The following TRMT1L variants were observed in gnomAD, a reference collection of about 807,000 sequenced individuals.
TRMT1L encodes the protein tRNA methyltransferase 1L.
Under a neutral mutation model 81.6 loss-of-function variants are expected in TRMT1L, and 28 were observed. That is an observed-to-expected ratio of 0.34 (90% CI 0.25 to 0.47). The LOEUF (loss-of-function observed/expected upper bound fraction) is 0.47. TRMT1L is among the 20% of genes least tolerant of loss of function. The probability of loss-of-function intolerance (pLI) is 1.00; values close to 1 mark genes in which losing one functional copy is unlikely to be tolerated. For synonymous variants in TRMT1L, 301 were observed against 303.2 expected, an observed-to-expected ratio of 0.99 and a Z score of 0.07; for missense variants, 739 against 877.1, an observed-to-expected ratio of 0.84 and a Z score of 1.99.
intron 6 of TRMT1L, 101 bp downstream of exon 6, chr1:185,143,805 A>T: frequency 1.0e-6 from 1 of 996,922 alleles, no homozygotes; most frequent in Non-Finnish European, 1.4e-6. Context: ...TTTATTCTGC[A>T]CCTAGTTCTA....
Position 185,143,450 on chromosome 1 carries a change from A to G in TRMT1L, c.780-14T>C. ...AATATTAGCTGCCTAGAAGGAAATC[A>G]TAATCTGAAATAACTTTACCATGGC... On this transcript the variant is annotated splice_polypyrimidine_tract_variant and intron_variant, in intron 6 of 14. Coordinates refer to ENST00000367506, the MANE Select transcript of TRMT1L (RefSeq NM_030934.5). The G allele has an allele frequency of 6.3e-7, 1 of 1,594,524 alleles. No individual in the cohort carries two copies. The highest frequency in any genetic ancestry group is 2.3e-5 in the East Asian group (1 of 44,172).
chr1:185,129,990 C>T (rs1652730066), intron 10 of TRMT1L, among the ~76,000 whole-genome samples: 1 of 152,186 alleles, frequency 6.6e-6, no homozygotes, highest in African/African-American at 2.4e-5. Flanking sequence ...GTCAGCTACA[C>T]CCACTTACCA....
At chr1:185,128,629 T>G (rs1240011103) in intron 11 of TRMT1L, 40 bp downstream of exon 11, 1 of 1,553,914 alleles carries the variant, frequency 6.4e-7, no homozygotes, top group African/African-American at 1.4e-5. Context: ...AATCAATCAA[T>G]ACATCAAATT....
At chr1:185,146,863 T>C (rs149921949) in intron 4 of TRMT1L, among the ~76,000 whole-genome samples, 12 of 152,188 alleles carry the variant, frequency 7.9e-5, no homozygotes, top group African/African-American at 2.6e-4. Flanking sequence ...TCCTATTCCA[T>C]GACCGAAATT....
chr1:185,132,053 A>G (rs1043689219), intron 10 of TRMT1L, among the ~76,000 whole-genome samples: 3 of 152,106 alleles, frequency 2.0e-5, no homozygotes, highest in South Asian at 4.1e-4. Context: ...AGGCAGGAGA[A>G]TTGCTTGAAC....
At chr1:185,138,870 T>C (rs1652965208) in intron 9 of TRMT1L, among the ~76,000 whole-genome samples, 3 of 152,184 alleles carry the variant, frequency 2.0e-5, no homozygotes, top group Admixed American at 1.3e-4. Context: ...CACTGCAGCA[T>C]GTGGCTCCTG....
Position 185,150,486 on chromosome 1 carries a change from C to G in TRMT1L, c.353G>C (p.Arg118Thr), listed in dbSNP as rs1653313333. The part of the protein sequence containing the change: ...LNSDNLDAGN[R>T]QACPLCPKEK... ...CTTAGGGCACAATGGACAAGCCTGT[C>G]TGTTGCCTTAAAAAGAAAAAAGAAT... The change falls in exon 3 of 15, where the codon AGA becomes ACA. Residue 118 changes from arginine to threonine, a missense_variant. Coordinates refer to ENST00000367506, the MANE Select transcript of TRMT1L (RefSeq NM_030934.5). The G allele has an allele frequency of 6.2e-7, 1 of 1,610,258 alleles. No individual in the cohort carries two copies. The highest frequency in any genetic ancestry group is 8.5e-7 in the Non-Finnish European group (1 of 1,177,286).
Position 185,128,968 on chromosome 1 carries a change from T to C in TRMT1L, c.1514-221A>G, listed in dbSNP as rs573357348. Among the ~76,000 whole-genome samples the C allele has an allele frequency of 3.9e-5, 6 of 152,258 alleles. No individual in the cohort carries two copies. In the East Asian group the frequency reaches 9.6e-4, roughly 24 times the overall value. ...TGCACACACACACATATATATATTT[T>C]TTTAATTTAAGTCCTTACAACTCTC... On this transcript the variant is annotated intron_variant, in intron 10 of 14. Transcript: ENST00000367506.
In TRMT1L at chr1:185,118,101, T is replaced by A. The variant is rs1652405572; in HGVS notation, c.*1918A>T. On this transcript the variant is annotated 3_prime_UTR_variant, in exon 15 of 15. Coordinates refer to ENST00000367506, the MANE Select transcript of TRMT1L (RefSeq NM_030934.5). Reference sequence around the variant, plus strand: ...ACACACTGGTTTCCTTAACTCGTTCTTTTGTTTATCAAGTTTTAATGAAAG... The same window carrying A: ...ACACACTGGTTTCCTTAACTCGTTCATTTGTTTATCAAGTTTTAATGAAAG... The A allele has an allele frequency of 6.6e-6, 1 of 152,228 alleles. No homozygotes were observed. The highest frequency in any genetic ancestry group is 1.5e-5 in the Non-Finnish European group (1 of 68,040). The allele number at this position is 152,228 out of a possible 1,614,324, so 9.4% of individuals were successfully genotyped here.
At chr1:185,149,793 G>C (rs898515014) in intron 3 of TRMT1L, among the ~76,000 whole-genome samples, 1 of 151,978 alleles carries the variant, frequency 6.6e-6, no homozygotes, top group Admixed American at 6.6e-5. Context: ...TCTGTCCTTC[G>C]ATTTTATTCT....
In TRMT1L at chr1:185,156,726, G is replaced by A. The variant is rs143363927; in HGVS notation, c.-14C>T. The A allele has an allele frequency of 3.5e-5, 56 of 1,612,206 alleles. No individual in the cohort carries two copies. The African/African-American group carries it at 6.8e-4, about 20-fold the overall frequency. On this transcript the variant is annotated 5_prime_UTR_variant, in exon 1 of 15. It adds an upstream start codon to the 5' untranslated region. Coordinates refer to ENST00000367506, the MANE Select transcript of TRMT1L (RefSeq NM_030934.5). ...CATATTCTCCATAGTTACCGCCTCC[G>A]TGCCAAGCCCGCCCGGGGACCCGGA...
At chr1:185,137,448 G>T in intron 10 of TRMT1L, 158 bp downstream of exon 10, 1 of 766,374 alleles carries the variant, frequency 1.3e-6, no homozygotes, top group Non-Finnish European at 2.3e-6. Context: ...TCACACGAAT[G>T]TCTTGTCTGT....
At chr1:185,125,413 T>C (rs1323999308) in intron 11 of TRMT1L, among the ~76,000 whole-genome samples, 2 of 152,162 alleles carry the variant, frequency 1.3e-5, no homozygotes, top group African/African-American at 4.8e-5. Flanking sequence ...GGGATCCTCC[T>C]ACCTTGGCTT....
upstream of TRMT1L, chr1:185,157,063 C>G (rs1194483430): frequency 3.5e-6 from 1 of 287,234 alleles, no homozygotes; most frequent in Non-Finnish European, 6.7e-6. Flanking sequence ...CCAAACCGAA[C>G]AAAGACTACA....
intron 10 of TRMT1L, among the ~76,000 whole-genome samples, chr1:185,130,295 T>C (rs570696400): frequency 6.6e-6 from 1 of 152,332 alleles, no homozygotes; most frequent in Non-Finnish European, 1.5e-5. Flanking sequence ...TCTATTTAAA[T>C]GCAACAGATT....
chr1:185,154,587 G>A (rs1425259769), intron 1 of TRMT1L, among the ~76,000 whole-genome samples: 11 of 152,150 alleles, frequency 7.2e-5, no homozygotes, highest in Non-Finnish European at 1.6e-4. Context: ...AAAGATCTGT[G>A]TATGTAAAAC....
chr1:185,155,487 A>C lies in TRMT1L; in HGVS notation c.235+991T>G, dbSNP rs941966376. On this transcript the variant is annotated intron_variant, in intron 1 of 14. Transcript: ENST00000367506. ...TTAGCCCTACTCTGAAATCTATAACAATTTGTATGTTGTTTCAAAACTGCA... is the reference window on the plus strand; with the variant it reads ...TTAGCCCTACTCTGAAATCTATAACCATTTGTATGTTGTTTCAAAACTGCA... Among the ~76,000 whole-genome samples the C allele has an allele frequency of 3.9e-5, 6 of 152,368 alleles. No individual in the cohort carries two copies. In the East Asian group the frequency reaches 1.2e-3, roughly 29 times the overall value.
intron 13 of TRMT1L, 26 bp from the exon 14 acceptor site, chr1:185,120,535 C>T (rs1332770389): frequency 1.3e-6 from 2 of 1,523,818 alleles, no homozygotes; most frequent in African/African-American, 1.4e-5. Context: ...ACAAAGTTAG[C>T]ATGCTCTTAA....
chr1:185,126,353 G>T (rs555053757), intron 11 of TRMT1L, among the ~76,000 whole-genome samples: 1 of 152,198 alleles, frequency 6.6e-6, no homozygotes, highest in East Asian at 1.9e-4. Flanking sequence ...AGAGTGCACT[G>T]GCGCAATCTC....
Sources: gnomAD v4.1 joint callset for allele counts (sites outside exome capture counted in the v4.1 genomes callset) on GRCh38, gnomAD v4.1.1 for gene constraint, MANE v1.5 for transcripts, NCBI Gene and HGNC (gene_info 2026-07-23, HGNC 2026-07-21) for gene names.